The following RBFOX1 variants were observed in gnomAD, a reference collection of about 807,000 sequenced individuals.
The protein encoded by RBFOX1 is RNA binding fox-1 homolog 1.
RBFOX1 carries 8 observed loss-of-function variants against 57.7 expected under a neutral mutation model. The observed-to-expected ratio is 0.14, with a 90% CI of 0.08 to 0.25. The LOEUF is 0.25. Ranked by LOEUF, RBFOX1 falls within the 10% of genes least tolerant of loss-of-function variation. RBFOX1 has a pLI of 1.00. For missense variants in RBFOX1, 611 were observed against 548.5 expected (o/e 1.11, Z -1.14); for synonymous variants, 326 against 222.4 (o/e 1.47, Z -4.15).
intron 3 of RBFOX1, among the ~76,000 whole-genome samples, chr16:6,692,340 C>CG (rs397767486): frequency 7.0e-3 from 2 of 284 alleles, no homozygotes; most frequent in Non-Finnish European, 0.019. Flanking sequence ...AGTGTTTCAT[C>CG]TTCTTTATTT....
intron 10 of RBFOX1, among the ~76,000 whole-genome samples, chr16:7,611,335 C>T (rs1417731241): frequency 1.3e-5 from 2 of 152,080 alleles, no homozygotes; most frequent in South Asian, 2.1e-4. Flanking sequence ...CCTTTAATCC[C>T]AGTACTTTGA....
chr16:5,619,572 G>T (rs571019521), intron 3 of RBFOX1, among the ~76,000 whole-genome samples: 35 of 152,270 alleles, frequency 2.3e-4, no homozygotes, highest in Admixed American at 1.7e-3. Flanking sequence ...ACTGCCTCCG[G>T]ACAGAGCTTT....
At chr16:5,527,986 C>G (rs1036277233) in intron 2 of RBFOX1, among the ~76,000 whole-genome samples, 5 of 152,120 alleles carry the variant, frequency 3.3e-5, no homozygotes, top group Non-Finnish European at 7.3e-5. Flanking sequence ...GTTTAAACAG[C>G]CCCTCAGAGC....
At chr16:7,562,776 C>G (rs1266755445) in intron 5 of RBFOX1, among the ~76,000 whole-genome samples, 5 of 152,248 alleles carry the variant, frequency 3.3e-5, no homozygotes, top group African/African-American at 7.2e-5. Flanking sequence ...CCTCATCCCA[C>G]TGATCCTACA....
intron 3 of RBFOX1, among the ~76,000 whole-genome samples, chr16:6,798,833 A>T (rs1329554254): frequency 2.0e-5 from 3 of 152,146 alleles, no homozygotes; most frequent in Non-Finnish European, 2.9e-5. Context: ...GTTCCCTAGG[A>T]TGCTTCGGGG....
At chr16:5,757,724 C>G (rs1321138586) in intron 3 of RBFOX1, among the ~76,000 whole-genome samples, 1 of 152,174 alleles carries the variant, frequency 6.6e-6, no homozygotes, top group African/African-American at 2.4e-5. Flanking sequence ...GAAGTTGGTC[C>G]TCATCCCCAC....
rs2085211224 is a variant in RBFOX1, at chr16:6,345,322, T to A, written c.-64+28265T>A. Among the ~76,000 whole-genome samples, 3 of 152,212 alleles carry A rather than the reference T, an allele frequency of 2.0e-5. No homozygotes were observed. The South Asian group carries it at 6.2e-4, about 32-fold the overall frequency. On this transcript the variant is annotated intron_variant, in intron 2 of 15. Coordinates refer to ENST00000550418, the MANE Select transcript of RBFOX1 (RefSeq NM_018723.4). ...AGCAGGGCTCCCCCTATAGGCAGTGTGCCCAGAGGCAGTTCTGCAGCAATA... is the reference window on the plus strand; with the variant it reads ...AGCAGGGCTCCCCCTATAGGCAGTGAGCCCAGAGGCAGTTCTGCAGCAATA...
chr16:5,289,148 A>G (rs748579681), intron 1 of RBFOX1: 7 of 241,508 alleles, frequency 2.9e-5, no homozygotes, highest in Middle Eastern at 4.9e-4. Context: ...AACACACAAC[A>G]ATAACATTAA....
At chr16:7,183,888 G>A (rs2083215079) in intron 4 of RBFOX1, among the ~76,000 whole-genome samples, 1 of 152,272 alleles carries the variant, frequency 6.6e-6, no homozygotes, top group African/African-American at 2.4e-5. Context: ...CATTCTAATT[G>A]AGGGAGTAGT....
At chr16:6,490,810 A>G (rs184118210) in intron 2 of RBFOX1, among the ~76,000 whole-genome samples, 36 of 152,346 alleles carry the variant, frequency 2.4e-4, no homozygotes, top group Non-Finnish European at 4.4e-5. Context: ...CAGGCCCAAT[A>G]AACTCACGTT....
At chr16:7,499,047 T>C (rs909016667) in intron 4 of RBFOX1, among the ~76,000 whole-genome samples, 2 of 152,164 alleles carry the variant, frequency 1.3e-5, no homozygotes, top group African/African-American at 4.8e-5. Context: ...TAGCACGTAA[T>C]AGATGTATTA....
intron 2 of RBFOX1, among the ~76,000 whole-genome samples, chr16:5,562,021 G>C (rs1205666855): frequency 6.6e-6 from 1 of 152,118 alleles, no homozygotes; most frequent in African/African-American, 2.4e-5. Context: ...GAAGACACAG[G>C]GAAACTTGTC....
chr16:5,716,409 C>A (rs1260067395), intron 3 of RBFOX1, among the ~76,000 whole-genome samples: 1 of 152,172 alleles, frequency 6.6e-6, no homozygotes, highest in Non-Finnish European at 1.5e-5. Context: ...ACCTTCCACC[C>A]TCCGACAGAC....
At chr16:6,066,540 G>A (rs1471052382) in intron 1 of RBFOX1, among the ~76,000 whole-genome samples, 1 of 152,060 alleles carries the variant, frequency 6.6e-6, no homozygotes, top group African/African-American at 2.4e-5. Flanking sequence ...AGTAGTCCAC[G>A]GTTGAGCATG....
intron 4 of RBFOX1, among the ~76,000 whole-genome samples, chr16:7,339,234 A>G (rs2096848308): frequency 6.6e-6 from 1 of 152,164 alleles, no homozygotes; most frequent in Non-Finnish European, 1.5e-5. Flanking sequence ...TTTCAGTGTG[A>G]TTCATCATGT....
chr16:5,799,281 C>T (rs542954790), intron 3 of RBFOX1, among the ~76,000 whole-genome samples: 16 of 152,040 alleles, frequency 1.1e-4, no homozygotes, highest in Admixed American at 3.3e-4. Flanking sequence ...CCACTGGGTT[C>T]CTCCCACAAC....
chr16:7,515,189 G>T (rs1195240892), intron 4 of RBFOX1, among the ~76,000 whole-genome samples: 1 of 151,828 alleles, frequency 6.6e-6, no homozygotes, highest in Non-Finnish European at 1.5e-5. Context: ...TGAAATTTCT[G>T]TACAGAAGGA....
chr16:5,751,618 G>C (rs901070703), intron 3 of RBFOX1, among the ~76,000 whole-genome samples: 2 of 152,222 alleles, frequency 1.3e-5, no homozygotes, highest in Admixed American at 1.3e-4. Flanking sequence ...CTGGAGAGCA[G>C]AACCGCATCA....
chr16:6,979,850 T>C (rs2088192075), intron 3 of RBFOX1, among the ~76,000 whole-genome samples: 1 of 152,170 alleles, frequency 6.6e-6, no homozygotes, highest in Admixed American at 6.5e-5. Flanking sequence ...TTGGGCTCTG[T>C]GATGTGTTTG....
Sources: allele counts gnomAD v4.1 joint callset (sites outside exome capture counted in the v4.1 genomes callset), GRCh38; gene constraint gnomAD v4.1.1; transcripts MANE v1.5; gene names NCBI Gene and HGNC (gene_info 2026-07-23, HGNC 2026-07-21).